The following STXBP5 variants were observed in gnomAD, a reference collection of about 807,000 sequenced individuals.
The protein encoded by STXBP5 is syntaxin binding protein 5, also known as syntaxin-binding protein 5.
Under a neutral mutation model 152.4 loss-of-function variants are expected in STXBP5, and 50 were observed. That is an observed-to-expected ratio of 0.33 (90% CI 0.26 to 0.42). The LOEUF is 0.42. Among genes scored for constraint, STXBP5 ranks in the 10% least tolerant of loss-of-function variants. The pLI is 1.00. For missense variants in STXBP5, 1,167 were observed against 1,388.6 expected (o/e 0.84, Z 2.54); for synonymous variants, 492 against 494.7 (o/e 0.99, Z 0.07).
At chr6:147,380,171 C>T (rs1045461074) in intron 26 of STXBP5, among the ~76,000 whole-genome samples, 5 of 93,536 alleles carry the variant, frequency 5.3e-5, no homozygotes, top group African/African-American at 1.3e-4. Context: ...AAAATAGCCA[C>T]GTACACACAC....
chr6:147,316,115 A>G (rs1782630269), intron 15 of STXBP5, 114 bp from the exon 16 acceptor site: 4 of 1,079,424 alleles, frequency 3.7e-6, no homozygotes, highest in African/African-American at 1.6e-5. Flanking sequence ...TTTTACCTTT[A>G]AAAATCTTCT....
At chr6:147,315,457 TAC>T in intron 14 of STXBP5, 56 bp from the exon 15 acceptor site, 1 of 1,189,344 alleles carries the variant, frequency 8.4e-7, no homozygotes, top group Non-Finnish European at 1.2e-6. Context: ...GATTAAATGT[TAC>T]CTTATGTTTG....
Position 147,359,415 on chromosome 6 carries a change from T to C in STXBP5, c.2545+92T>C. On this transcript the variant is annotated intron_variant, in intron 23 of 27. Coordinates refer to ENST00000321680, the MANE Select transcript of STXBP5 (RefSeq NM_001127715.4). ...TTTCATTCTTGAATTGATCTAAGAA[T>C]TCCAAAATGTAAAGTAAATGGGGAC... 4 of 1,467,546 alleles carry C rather than the reference T, an allele frequency of 2.7e-6. 2 individuals are homozygous for C. The South Asian group carries it at 5.9e-5, about 22-fold the overall frequency. 90.9% of individuals were successfully genotyped at this position (1,467,546 alleles called of 1,614,324 possible).
chr6:147,353,721 T>TA (rs1406037681), intron 22 of STXBP5, among the ~76,000 whole-genome samples: 1 of 152,192 alleles, frequency 6.6e-6, no homozygotes, highest in Non-Finnish European at 1.5e-5. Flanking sequence ...TTGAACTTTA[T>TA]AAAATTATTT....
intron 2 of STXBP5, among the ~76,000 whole-genome samples, chr6:147,230,505 G>C (rs543186881): frequency 1.3e-5 from 2 of 151,752 alleles, no homozygotes; most frequent in East Asian, 3.9e-4. Flanking sequence ...AGTTACATTT[G>C]GTCTAGTTTT....
At chr6:147,267,225 T>G in intron 7 of STXBP5, 58 bp downstream of exon 7, 2 of 1,417,880 alleles carry the variant, frequency 1.4e-6, no homozygotes, top group Non-Finnish European at 1.9e-6. Flanking sequence ...AAGCAGTTTC[T>G]CTAAAAACTT....
intron 17 of STXBP5, 34 bp from the exon 18 acceptor site, chr6:147,327,091 T>G (rs1276933842): frequency 3.1e-6 from 5 of 1,593,984 alleles, no homozygotes; most frequent in Non-Finnish European, 4.3e-6. Flanking sequence ...ATTATTTGTT[T>G]GTGCTAAAAT....
intron 4 of STXBP5, among the ~76,000 whole-genome samples, chr6:147,243,779 A>G (rs752107871): frequency 5.3e-5 from 8 of 151,974 alleles, no homozygotes; most frequent in Non-Finnish European, 1.2e-4. Flanking sequence ...TTCTATGTCT[A>G]GAGTTTTTTT....
intron 4 of STXBP5, among the ~76,000 whole-genome samples, chr6:147,259,962 A>G (rs1205982073): frequency 2.6e-5 from 4 of 152,168 alleles, no homozygotes; most frequent in East Asian, 1.9e-4. Context: ...AAGGCCTGCC[A>G]TATCATCAGA....
chr6:147,227,901 C>G (rs1447474922), intron 2 of STXBP5, among the ~76,000 whole-genome samples: 1 of 152,084 alleles, frequency 6.6e-6, no homozygotes, highest in East Asian at 1.9e-4. Context: ...TTCCTTCTCC[C>G]CCACTTCCCT....
At chr6:147,376,382 A>G (rs1490084169) in intron 26 of STXBP5, among the ~76,000 whole-genome samples, 1 of 152,230 alleles carries the variant, frequency 6.6e-6, no homozygotes, top group Non-Finnish European at 1.5e-5. Flanking sequence ...GAAACAAAGC[A>G]AAAAGAGAGA....
intron 21 of STXBP5, among the ~76,000 whole-genome samples, chr6:147,350,623 A>T (rs183273493): frequency 1.3e-3 from 196 of 152,222 alleles, no homozygotes; most frequent in African/African-American, 4.3e-3. Context: ...TTTTGTGCTA[A>T]ATTTTTTTTA....
At chr6:147,264,807 GA>G (rs1779811795) in intron 6 of STXBP5, among the ~76,000 whole-genome samples, 2 of 151,964 alleles carry the variant, frequency 1.3e-5, no homozygotes, top group Non-Finnish European at 2.9e-5. Context: ...CTTTTGTAAA[GA>G]AAGGAATTGA....
chr6:147,259,474 T>G (rs1442913105), intron 4 of STXBP5, among the ~76,000 whole-genome samples: 1 of 152,184 alleles, frequency 6.6e-6, no homozygotes, highest in South Asian at 2.1e-4. Flanking sequence ...TACAAGTAGA[T>G]GAAGCTTAAG....
intron 27 of STXBP5, among the ~76,000 whole-genome samples, chr6:147,383,333 C>A (rs2128424119): frequency 6.6e-6 from 1 of 152,146 alleles, no homozygotes; most frequent in Non-Finnish European, 1.5e-5. Context: ...ACCACTTTGT[C>A]CTAGAAAAAG....
intron 27 of STXBP5, among the ~76,000 whole-genome samples, chr6:147,383,379 T>A (rs1172384918): frequency 3.3e-5 from 5 of 152,096 alleles, no homozygotes; most frequent in Non-Finnish European, 5.9e-5. Flanking sequence ...CAGATAGATA[T>A]AAATAACTAA....
At chr6:147,264,165 T>A (rs1347018969) in intron 6 of STXBP5, among the ~76,000 whole-genome samples, 1 of 151,986 alleles carries the variant, frequency 6.6e-6, no homozygotes, top group Non-Finnish European at 1.5e-5. Context: ...TCTTTCCTGT[T>A]TGCAAAGAAC....
At chr6:147,361,289 G>A (rs747812293) in intron 23 of STXBP5, among the ~76,000 whole-genome samples, 7 of 152,114 alleles carry the variant, frequency 4.6e-5, no homozygotes, top group East Asian at 3.9e-4. Context: ...ATGACTGAGC[G>A]GGATTAAATA....
chr6:147,343,496 GA>G (rs1171345170), intron 21 of STXBP5, among the ~76,000 whole-genome samples: 3 of 152,214 alleles, frequency 2.0e-5, no homozygotes, highest in Non-Finnish European at 4.4e-5. Context: ...AAAAGAAATT[GA>G]ATGTCAGAGA....
Sources: gnomAD v4.1 joint callset for allele counts (sites outside exome capture counted in the v4.1 genomes callset) on GRCh38, gnomAD v4.1.1 for gene constraint, MANE v1.5 for transcripts, NCBI Gene and HGNC (gene_info 2026-07-23, HGNC 2026-07-21) for gene names.